The following NOL10 variants were observed in gnomAD, a reference collection of about 807,000 sequenced individuals.
NOL10 encodes nucleolar protein 10.
NOL10 carries 58 observed loss-of-function variants against 103.5 expected under a neutral mutation model. The observed-to-expected ratio is 0.56, with a 90% CI of 0.45 to 0.70. The LOEUF is 0.70. NOL10 is among the 30% of genes least tolerant of loss of function. The pLI is 0.00. For synonymous variants in NOL10, 287 were observed against 282.5 expected, an observed-to-expected ratio of 1.02 and a Z score of -0.16; for missense variants, 763 against 807.3, an observed-to-expected ratio of 0.95 and a Z score of 0.67.
At chr2:10,689,282 C>T (rs971346919) in intron 1 of NOL10, among the ~76,000 whole-genome samples, 21 of 152,214 alleles carry the variant, frequency 1.4e-4, no homozygotes, top group African/African-American at 4.8e-4. Flanking sequence ...AACTTTAAGA[C>T]TAGGAATCAG....
Position 10,622,881 on chromosome 2 carries a change from A to G in NOL10, c.1027-15570T>C, listed in dbSNP as rs559974873. Among the ~76,000 whole-genome samples, 14 of 152,294 alleles carry G rather than the reference A, an allele frequency of 9.2e-5. No individual in the cohort carries two copies. In the East Asian group the frequency reaches 2.1e-3, roughly 23 times the overall value. On this transcript the variant is annotated intron_variant, in intron 13 of 20. Coordinates refer to ENST00000381685, the MANE Select transcript of NOL10 (RefSeq NM_024894.4). ...AGAATTAAGACAATTCAAGATGGCC[A>G]AAACTGAATTTAGTATCTATTCCAC... is the stretch of plus-strand genomic sequence containing the variant.
intron 14 of NOL10, among the ~76,000 whole-genome samples, chr2:10,606,226 CTTTTT>C (rs58301569): frequency 6.7e-5 from 10 of 149,466 alleles, no homozygotes; most frequent in Non-Finnish European, 7.4e-5. Context: ...GTACATTTAT[CTTTTT>C]TTTTTTTTTG....
intron 14 of NOL10, among the ~76,000 whole-genome samples, chr2:10,606,224 ATCTT>A (rs1676248822): frequency 1.7e-5 from 1 of 60,356 alleles, no homozygotes; most frequent in Non-Finnish European, 3.6e-5. Context: ...ATGTACATTT[ATCTT>A]TTTTTTTTTT....
chr2:10,659,140 T>G (rs1179455850), intron 10 of NOL10, 32 bp downstream of exon 10: 1 of 1,447,576 alleles, frequency 6.9e-7, no homozygotes, highest in South Asian at 1.2e-5. Context: ...AAATACCAAC[T>G]TACATGTGGT....
intron 17 of NOL10, among the ~76,000 whole-genome samples, chr2:10,598,166 G>A (rs1675793166): frequency 6.6e-6 from 1 of 152,176 alleles, no homozygotes; most frequent in South Asian, 2.1e-4. Context: ...TAACTCCACA[G>A]CGAGCTCTTT....
At chr2:10,671,444 C>G in intron 6 of NOL10, 110 bp downstream of exon 6, 1 of 593,674 alleles carries the variant, frequency 1.7e-6, no homozygotes, top group Non-Finnish European at 2.4e-6. Context: ...CCACGTATCA[C>G]TTTTTTATTA....
intron 2 of NOL10, among the ~76,000 whole-genome samples, chr2:10,683,624 T>C (rs1288556759): frequency 6.6e-6 from 1 of 152,156 alleles, no homozygotes; most frequent in Non-Finnish European, 1.5e-5. Context: ...CTGAGAACCT[T>C]GATAGACAGG....
At chr2:10,657,031 T>TTA (rs1326770297) in intron 11 of NOL10, among the ~76,000 whole-genome samples, 26 of 152,080 alleles carry the variant, frequency 1.7e-4, no homozygotes, top group African/African-American at 6.0e-4. Context: ...GAAATATAGC[T>TTA]TTTAAGGCCA....
chr2:10,609,779 A>C lies in NOL10; in HGVS notation c.1027-2468T>G, dbSNP rs576700735. 4.3e-4 allele frequency among the ~76,000 whole-genome samples: 66 copies of C among 152,282 alleles called. 2 individuals carry two copies. The South Asian group carries it at 0.012, about 28-fold the overall frequency. The stretch of plus-strand genomic sequence containing the variant: ...ATAATGGTGTACTCCCTAAAACAGC[A>C]ATCTTTTCTTTTCTAGACGAGATCA... On this transcript the variant is annotated intron_variant, in intron 13 of 20. Coordinates refer to ENST00000381685, the MANE Select transcript of NOL10 (RefSeq NM_024894.4).
chr2:10,576,047 T>C (rs1435874317), intron 20 of NOL10, among the ~76,000 whole-genome samples: 3 of 152,144 alleles, frequency 2.0e-5, no homozygotes, highest in African/African-American at 7.2e-5. Flanking sequence ...TTTAGAGAAA[T>C]CAGAGATGAA....
chr2:10,599,084 T>TC (rs1553298749), intron 17 of NOL10, among the ~76,000 whole-genome samples: 7 of 151,688 alleles, frequency 4.6e-5, no homozygotes, highest in East Asian at 1.9e-4. Flanking sequence ...TACAAAGAAA[T>TC]GGGGGGAAGG....
intron 14 of NOL10, among the ~76,000 whole-genome samples, chr2:10,606,473 C>A (rs1221405666): frequency 1.3e-5 from 2 of 151,796 alleles, no homozygotes; most frequent in Non-Finnish European, 2.9e-5. Flanking sequence ...TGCTGCATGG[C>A]AGTGCACATC....
At position 10,689,928 on chromosome 2, in the gene NOL10, G is replaced by C; in HGVS notation, c.-67C>G. 2.7e-6 allele frequency: 4 copies of C among 1,471,556 alleles called. No individual in the cohort carries two copies. The highest frequency in any genetic ancestry group is 1.2e-5 in the South Asian group (1 of 82,312). The allele number at this position is 1,471,556 out of a possible 1,614,324, so 91.2% of individuals were successfully genotyped here. A position where few individuals can be genotyped will look rare whatever the true frequency, so the allele number is the denominator to read the frequency against. The stretch of plus-strand genomic sequence containing the variant: ...CAGCGTGCTCGAGCACCGTAATCCC[G>C]GGACCTCCGAGCCCCTGCTCCGCGG... On this transcript the variant is annotated 5_prime_UTR_variant, in exon 1 of 21. Transcript: ENST00000381685.
At chr2:10,678,453 G>A (rs60286502) in intron 3 of NOL10, among the ~76,000 whole-genome samples, 1 of 150,164 alleles carries the variant, frequency 6.7e-6, no homozygotes. Context: ...TAAAAGTAGA[G>A]CCTCTATTTC....
In NOL10 at chr2:10,589,244, G is replaced by A; in HGVS notation, c.1643C>T (p.Ser548Leu). The A allele has an allele frequency of 2.5e-6, 4 of 1,613,726 alleles. No homozygotes were observed. Among genetic ancestry groups the A allele is most frequent in the Middle Eastern group, 1.6e-4 (1 of 6,062 alleles). The change falls in exon 19 of 21, where the codon TCG (serine) becomes TTG (leucine). Residue 548 changes from serine to leucine, a missense_variant. Transcript: ENST00000381685. The part of the protein sequence containing the change: ...PEGKPSDAES[S>L]ESSDDEKAWV... The stretch of plus-strand genomic sequence containing the variant: ...GGCTTTTTCATCATCTGAACTCTCC[G>A]AACTTTCTGCATCACTTGGTTTTCC...
At chr2:10,578,866 CTTCTA>C (rs1201550031) in intron 19 of NOL10, among the ~76,000 whole-genome samples, 14 of 152,294 alleles carry the variant, frequency 9.2e-5, no homozygotes, top group African/African-American at 3.1e-4. Context: ...ATATGGTTCT[CTTCTA>C]TTCTGTTCCC....
At position 10,589,732 on chromosome 2, in the gene NOL10, G is replaced by A; in HGVS notation, c.1442C>T (p.Thr481Ile). Residue 481 changes from threonine (T) to isoleucine (I), a missense_variant, in exon 18 of 21, where the codon ACC becomes ATC. Physicochemically the swap from Thr to Ile is moderately conservative, Grantham distance 89. Coordinates refer to ENST00000381685, the MANE Select transcript of NOL10 (RefSeq NM_024894.4). ...KKVKSLPNIL[T>I]DDRFKVMFEN... The stretch of plus-strand genomic sequence containing the variant: ...AAACATAACTTTAAATCGATCATCG[G>A]TGAGAATATTAGGAAGACTCTACAA... 6.5e-7 allele frequency: 1 copy of A among 1,547,072 alleles called. No individual in the cohort carries two copies. Among genetic ancestry groups the A allele is most frequent in the Non-Finnish European group, 8.7e-7 (1 of 1,151,002 alleles).
At chr2:10,628,720 C>T (rs1677643729) in intron 13 of NOL10, among the ~76,000 whole-genome samples, 1 of 152,128 alleles carries the variant, frequency 6.6e-6, no homozygotes, top group African/African-American at 2.4e-5. Context: ...CCAAAAAATC[C>T]CATGTCTTAA....
chr2:10,605,175 A>AT (rs1270080126), intron 14 of NOL10, among the ~76,000 whole-genome samples: 1 of 152,206 alleles, frequency 6.6e-6, no homozygotes, highest in Non-Finnish European at 1.5e-5. Flanking sequence ...ATGTAAACCC[A>AT]TGTCAGTCTA....
Sources: gnomAD v4.1 joint callset for allele counts (sites outside exome capture counted in the v4.1 genomes callset) on GRCh38, gnomAD v4.1.1 for gene constraint, MANE v1.5 for transcripts, NCBI Gene and HGNC (gene_info 2026-07-23, HGNC 2026-07-21) for gene names.